MARCHF2: variants seen among roughly 807,000 people sequenced by gnomAD.
MARCHF2 encodes E3 ubiquitin-protein ligase MARCHF2.
In MARCHF2, 22 loss-of-function variants were observed where a neutral mutation model predicts 24.0. The ratio of observed to expected loss-of-function variants is 0.92; its 90% CI spans 0.66 to 1.31. MARCHF2 has a LOEUF of 1.31. Ranked by LOEUF, MARCHF2 falls within the 50% of genes most tolerant of loss-of-function variation. MARCHF2 has a pLI of 0.00. For synonymous variants in MARCHF2, 154 were observed against 153.0 expected, an observed-to-expected ratio of 1.01 and a Z score of -0.05; for missense variants, 301 against 335.3, an observed-to-expected ratio of 0.90 and a Z score of 0.80.
intron 4 of MARCHF2, among the ~76,000 whole-genome samples, chr19:8,435,265 G>A (rs891112678): frequency 3.3e-5 from 5 of 151,924 alleles, no homozygotes; most frequent in African/African-American, 7.3e-5. Context: ...TGATCCGCCC[G>A]TGTCTGCCTC....
intron 4 of MARCHF2, among the ~76,000 whole-genome samples, chr19:8,434,081 CTT>C (rs750325194): frequency 1.6e-3 from 171 of 105,968 alleles, no homozygotes; most frequent in Non-Finnish European, 2.4e-3. Context: ...ACCAGCATTT[CTT>C]TTTTTTTTTT....
At chr19:8,431,497 CAAAAAA>C (rs60782968) in intron 4 of MARCHF2, among the ~76,000 whole-genome samples, 1,717 of 57,492 alleles carry the variant, frequency 0.03, 26 homozygotes, top group South Asian at 0.13. Flanking sequence ...AACTCGATCT[CAAAAAA>C]AAAAAAAAAA....
intron 1 of MARCHF2, among the ~76,000 whole-genome samples, chr19:8,417,541 G>A (rs985517187): frequency 5.3e-5 from 8 of 152,128 alleles, no homozygotes; most frequent in East Asian, 1.9e-4. Context: ...AGGTTTAAGC[G>A]ATTCTCCTGC....
intron 3 of MARCHF2, among the ~76,000 whole-genome samples, chr19:8,429,750 C>T (rs1967525142): frequency 6.6e-6 from 1 of 150,456 alleles, no homozygotes; most frequent in African/African-American, 2.4e-5. Context: ...GTGATCCACC[C>T]ACTTTGGCCT....
At position 8,438,728 on chromosome 19, in the gene MARCHF2, GGT is replaced by G; in HGVS notation, c.*183_*184del. On this transcript the variant is annotated 3_prime_UTR_variant, in exon 5 of 5. Coordinates refer to ENST00000215555, the MANE Select transcript of MARCHF2 (RefSeq NM_001005415.2). The stretch of plus-strand genomic sequence containing the variant: ...TGATCCTGTGTGAAGATATTTTCAG[GGT>G]TTTTTTTTTTTTTTTTTTGCATATG... 3 of 539,216 alleles carry G rather than the reference GGT, an allele frequency of 5.6e-6. No individual in the cohort carries two copies. The highest frequency in any genetic ancestry group is 9.6e-6 in the Non-Finnish European group (3 of 313,202). The allele number at this position is 539,216 out of a possible 1,614,324, so 33.4% of individuals were successfully genotyped here.
intron 1 of MARCHF2, among the ~76,000 whole-genome samples, chr19:8,415,536 T>C (rs1967053856): frequency 6.6e-6 from 1 of 150,962 alleles, no homozygotes; most frequent in Non-Finnish European, 1.5e-5. Flanking sequence ...CTGGCCAACA[T>C]GGTGAAACCC....
intron 4 of MARCHF2, among the ~76,000 whole-genome samples, chr19:8,436,445 A>G (rs1967724509): frequency 6.6e-6 from 1 of 151,518 alleles, no homozygotes; most frequent in Admixed American, 6.6e-5. Context: ...ATTCACCATT[A>G]TAATATCAGA....
At chr19:8,420,273 G>A (rs1175634754) in intron 1 of MARCHF2, among the ~76,000 whole-genome samples, 10 of 146,960 alleles carry the variant, frequency 6.8e-5, no homozygotes, top group South Asian at 2.1e-4. Flanking sequence ...GCTTGAACCC[G>A]TAAGGTGGAG....
chr19:8,426,451 C>T (rs1449716604), intron 2 of MARCHF2, among the ~76,000 whole-genome samples, 158 bp from the exon 3 acceptor site: 1 of 151,830 alleles, frequency 6.6e-6, no homozygotes, highest in Non-Finnish European at 1.5e-5. Flanking sequence ...GCATCTCCTT[C>T]CCAAAGGGAA....
At chr19:8,421,267 C>T (rs1366367021) in intron 1 of MARCHF2, among the ~76,000 whole-genome samples, 5 of 151,586 alleles carry the variant, frequency 3.3e-5, no homozygotes, top group South Asian at 4.2e-4. Context: ...GGACTACAGG[C>T]GCGTGCCACC....
chr19:8,418,996 G>C (rs1265300950), intron 1 of MARCHF2, among the ~76,000 whole-genome samples: 2 of 152,050 alleles, frequency 1.3e-5, no homozygotes, highest in Admixed American at 1.3e-4. Flanking sequence ...TGGGAACAGA[G>C]ATCCTTGGCT....
At chr19:8,428,649 CAAAAAAAAA>C (rs59542078) in intron 3 of MARCHF2, among the ~76,000 whole-genome samples, 23 of 30,634 alleles carry the variant, frequency 7.5e-4, no homozygotes, top group East Asian at 1.3e-3. Context: ...GACTCTATCT[CAAAAAAAAA>C]AAAAAAAAAA....
In MARCHF2 at chr19:8,438,477, C is replaced by T. The variant is rs143906987; in HGVS notation, c.672C>T (p.Pro224=). 1.5e-4 allele frequency: 242 copies of T among 1,614,126 alleles called. 1 individual carries two copies. The African/African-American group carries it at 2.5e-3, about 17-fold the overall frequency. Residue 224 remains proline, a synonymous_variant, in exon 5 of 5, where the codon CCC becomes CCT. Coordinates refer to ENST00000215555, the MANE Select transcript of MARCHF2 (RefSeq NM_001005415.2). ...VRLKIREADS[P]EGPQHSPLAA... is the part of the protein sequence containing the mutation. ...TGAAGATCCGGGAGGCGGACAGCCC[C>T]GAGGGCCCCCAGCATTCTCCACTGG...
intron 2 of MARCHF2, among the ~76,000 whole-genome samples, chr19:8,425,758 A>T (rs1967381539): frequency 6.6e-6 from 1 of 151,840 alleles, no homozygotes; most frequent in Non-Finnish European, 1.5e-5. Context: ...CTGGGATTAC[A>T]GGCACCTACC....
intron 1 of MARCHF2, chr19:8,418,316 A>G (rs1247415293): frequency 6.6e-6 from 1 of 152,132 alleles, no homozygotes; most frequent in African/African-American, 2.4e-5. Context: ...TTTGGGCAAT[A>G]CTTGCTTATC....
chr19:8,432,064 A>G (rs960058927), intron 4 of MARCHF2, among the ~76,000 whole-genome samples: 2 of 152,166 alleles, frequency 1.3e-5, no homozygotes, highest in Non-Finnish European at 2.9e-5. Flanking sequence ...AAGTTGAGGC[A>G]GGAGCATCGC....
intron 1 of MARCHF2, among the ~76,000 whole-genome samples, chr19:8,415,211 A>T (rs766100870): frequency 1.3e-5 from 2 of 151,872 alleles, no homozygotes; most frequent in Non-Finnish European, 2.9e-5. Context: ...AGCCTGGGCA[A>T]CTTGGCAAAA....
intron 4 of MARCHF2, among the ~76,000 whole-genome samples, chr19:8,431,324 C>T (rs1967576843): frequency 6.6e-6 from 1 of 151,174 alleles, no homozygotes; most frequent in African/African-American, 2.4e-5. Context: ...CATGAAGAAA[C>T]CCCATCTCTA....
At chr19:8,426,023 C>A (rs191083977) in intron 2 of MARCHF2, among the ~76,000 whole-genome samples, 10 of 151,174 alleles carry the variant, frequency 6.6e-5, no homozygotes, top group Non-Finnish European at 1.3e-4. Context: ...ATCAGGAGAT[C>A]GAGACCATCC....
Sources: allele counts gnomAD v4.1 joint callset (sites outside exome capture counted in the v4.1 genomes callset), GRCh38; gene constraint gnomAD v4.1.1; transcripts MANE v1.5; gene names NCBI Gene and HGNC (gene_info 2026-07-23, HGNC 2026-07-21).